Variants in PIEZO2 observed in about 807,000 individuals in gnomAD.
PIEZO2 encodes piezo-type mechanosensitive ion channel component 2.
A neutral mutation model predicts 337.3 loss-of-function variants in PIEZO2; 172 were observed. The ratio of observed to expected loss-of-function variants is 0.51; its 90% CI spans 0.45 to 0.58. The LOEUF is 0.58. Among genes scored for constraint, PIEZO2 ranks in the 20% least tolerant of loss-of-function variants. The probability of loss-of-function intolerance (pLI) is 0.00; values close to 1 mark genes in which losing one functional copy is unlikely to be tolerated. For synonymous variants in PIEZO2, 1,251 were observed against 1,228.5 expected (o/e 1.02, Z -0.38); for missense variants, 3,028 against 3,391.3 (o/e 0.89, Z 2.66).
chr18:10,914,528 A>C (rs2030773969), intron 3 of PIEZO2, among the ~76,000 whole-genome samples: 1 of 152,186 alleles, frequency 6.6e-6, no homozygotes. Context: ...ATGCTATGTA[A>C]ATAGTTGTTA....
intron 2 of PIEZO2, among the ~76,000 whole-genome samples, chr18:11,020,251 C>G (rs1193972932): frequency 6.6e-6 from 1 of 152,064 alleles, no homozygotes; most frequent in African/African-American, 2.4e-5. Flanking sequence ...AATACTTGAC[C>G]TCAGCCCTTG....
intron 5 of PIEZO2, among the ~76,000 whole-genome samples, chr18:10,864,201 T>C (rs766753732): frequency 6.6e-6 from 1 of 152,172 alleles, no homozygotes; most frequent in Non-Finnish European, 1.5e-5. Flanking sequence ...TGTTTCAGAA[T>C]CAACAGTATT....
chr18:10,873,402 G>T (rs375471809), intron 4 of PIEZO2, among the ~76,000 whole-genome samples: 4 of 152,086 alleles, frequency 2.6e-5, no homozygotes, highest in Non-Finnish European at 5.9e-5. Flanking sequence ...TTCTCCCTAC[G>T]TTCACTTTTA....
chr18:10,826,354 G>A (rs2040677298), intron 7 of PIEZO2, among the ~76,000 whole-genome samples: 1 of 152,126 alleles, frequency 6.6e-6, no homozygotes, highest in South Asian at 2.1e-4. Flanking sequence ...ATTCCAATCT[G>A]TTATCATATT....
Position 11,035,156 on chromosome 18 carries a change from A to G in PIEZO2, c.160+30971T>C, listed in dbSNP as rs1203475514. ...TTCTGACTCCTGAGATGGTTTGGAT[A>G]CTGTCCTCTCTCCAATTTCTTGTTG... On this transcript the variant is annotated intron_variant, in intron 2 of 55. Transcript: ENST00000674853. This position sits in a 1 kb window ranked among gnomAD's most constrained non-coding sequence, Gnocchi z 4.3. Among the ~76,000 whole-genome samples the G allele has an allele frequency of 3.3e-5, 5 of 152,176 alleles. No homozygotes were observed. Among genetic ancestry groups the G allele is most frequent in the African/African-American group, 1.2e-4 (5 of 41,440 alleles).
In PIEZO2 at chr18:11,127,803, A is replaced by ATGTGTGTGTG. The variant is rs34849868; in HGVS notation, c.64+20712_64+20721dup. On this transcript the variant is annotated intron_variant, in intron 1 of 55. Coordinates refer to ENST00000674853, the MANE Select transcript of PIEZO2 (RefSeq NM_001378183.1). The surrounding 1 kb of genome is among the most constrained non-coding windows in gnomAD (Gnocchi z 4.5). ...TGCATATACGTGTGTGTGTGTGTGC[A>ATGTGTGTGTG]TGTGTGTGTGTGTGTGTGTGTGTAT... Among the ~76,000 whole-genome samples, 69,775 of 146,540 alleles carry ATGTGTGTGTG rather than the reference A, an allele frequency of 0.48. 16,772 individuals carry two copies. Among genetic ancestry groups the ATGTGTGTGTG allele is most frequent in the African/African-American group, 0.56 (22,079 of 39,478 alleles).
chr18:10,838,687 G>T (rs2041096980), intron 7 of PIEZO2, among the ~76,000 whole-genome samples: 1 of 152,120 alleles, frequency 6.6e-6, no homozygotes, highest in African/African-American at 2.4e-5. Flanking sequence ...TCATCTGTAG[G>T]GTTCATAAGG....
At chr18:11,005,738 T>C (rs148003089) in intron 2 of PIEZO2, among the ~76,000 whole-genome samples, 6 of 152,358 alleles carry the variant, frequency 3.9e-5, no homozygotes, top group Non-Finnish European at 7.3e-5. Flanking sequence ...CAGGTTACTA[T>C]GACTAACTGC....
At chr18:11,084,868 TA>T (rs2146003777) in intron 1 of PIEZO2, among the ~76,000 whole-genome samples, 1 of 152,276 alleles carries the variant, frequency 6.6e-6, no homozygotes, top group South Asian at 2.1e-4. Flanking sequence ...TGTTAGAGAC[TA>T]ATGGTAATAA....
chr18:10,762,753 G>T, intron 22 of PIEZO2, 128 bp from the exon 23 acceptor site: 1 of 1,330,160 alleles, frequency 7.5e-7, no homozygotes, highest in Non-Finnish European at 1.0e-6. Context: ...TTTCAGGGGA[G>T]ACCTCAGTAT....
chr18:10,930,388 C>T (rs901466377), intron 3 of PIEZO2, among the ~76,000 whole-genome samples: 1 of 152,228 alleles, frequency 6.6e-6, no homozygotes. Context: ...TTAACCCTTT[C>T]AACCAATTGC....
chr18:11,011,494 C>T (rs2035899388), intron 2 of PIEZO2, among the ~76,000 whole-genome samples: 1 of 152,138 alleles, frequency 6.6e-6, no homozygotes, highest in Non-Finnish European at 1.5e-5. Context: ...CCATGGCTAA[C>T]ATAGCTAATA....
intron 51 of PIEZO2, among the ~76,000 whole-genome samples, chr18:10,680,810 A>G (rs1022583758): frequency 2.6e-5 from 4 of 152,182 alleles, no homozygotes; most frequent in Non-Finnish European, 5.9e-5. Context: ...ATTATAGGTG[A>G]TAATTTTACA....
intron 1 of PIEZO2, among the ~76,000 whole-genome samples, chr18:11,106,938 C>T (rs965481857): frequency 1.3e-5 from 2 of 152,158 alleles, no homozygotes; most frequent in Non-Finnish European, 2.9e-5. Flanking sequence ...CAAATAAGCT[C>T]AGGGACTTCC....
At chr18:11,018,129 C>T (rs1043698925) in intron 2 of PIEZO2, among the ~76,000 whole-genome samples, 3 of 151,502 alleles carry the variant, frequency 2.0e-5, no homozygotes, top group Non-Finnish European at 4.4e-5. Context: ...GGGTAGTGGC[C>T]GGTCATCCAC....
rs371443039 is a variant in PIEZO2, at chr18:10,689,644, T to C, written c.7497+11A>G. 1.1e-4 allele frequency: 184 copies of C among 1,614,050 alleles called. No homozygotes were observed. Among genetic ancestry groups the C allele is most frequent in the Non-Finnish European group, 1.5e-4 (175 of 1,180,018 alleles). On this transcript the variant is annotated intron_variant, in intron 49 of 55. Transcript: ENST00000674853. Reference sequence around the variant, plus strand: ...GCAGACAGGAATAAGGCACATCTCCTGGCTTCTTACCTTCTCCGACTCCCG... The same window carrying C: ...GCAGACAGGAATAAGGCACATCTCCCGGCTTCTTACCTTCTCCGACTCCCG...
intron 47 of PIEZO2, among the ~76,000 whole-genome samples, chr18:10,694,321 C>A (rs2034990011): frequency 6.6e-6 from 1 of 152,170 alleles, no homozygotes; most frequent in African/African-American, 2.4e-5. Flanking sequence ...TGGATTTTCT[C>A]AATAGGAATT....
chr18:10,946,517 C>G (rs2033031100), intron 3 of PIEZO2, among the ~76,000 whole-genome samples: 1 of 152,156 alleles, frequency 6.6e-6, no homozygotes, highest in Admixed American at 6.5e-5. Flanking sequence ...GCTGAGATTA[C>G]ATCCCCTTTT....
chr18:10,839,384 G>T (rs1027767743), intron 7 of PIEZO2, among the ~76,000 whole-genome samples: 3 of 152,178 alleles, frequency 2.0e-5, no homozygotes, highest in Non-Finnish European at 4.4e-5. Flanking sequence ...TACCTGCAGT[G>T]GTGGGGATAT....
Sources: gnomAD v4.1 joint callset for allele counts (sites outside exome capture counted in the v4.1 genomes callset) on GRCh38, gnomAD v4.1.1 for gene constraint, Gnocchi (gnomAD v3.1) non-coding constraint, MANE v1.5 for transcripts, NCBI Gene and HGNC (gene_info 2026-07-23, HGNC 2026-07-21) for gene names.